The following COTL1 variants were observed in gnomAD, a reference collection of about 807,000 sequenced individuals.
The protein encoded by COTL1 is coactosin-like protein.
A neutral mutation model predicts 16.5 loss-of-function variants in COTL1; 15 were observed. That is an observed-to-expected ratio of 0.91 (90% CI 0.61 to 1.40). COTL1 has a LOEUF of 1.40. Ranked by LOEUF, COTL1 falls within the 40% of genes most tolerant of loss-of-function variation. COTL1 has a pLI of 0.00. For missense variants in COTL1, 220 were observed against 201.5 expected (o/e 1.09, Z -0.56); for synonymous variants, 112 against 85.3 (o/e 1.31, Z -1.73).
intron 3 of COTL1, among the ~76,000 whole-genome samples, chr16:84,589,176 A>G (rs946537984): frequency 5.3e-5 from 8 of 151,280 alleles, no homozygotes; most frequent in African/African-American, 1.7e-4. Flanking sequence ...GGGTCTCACT[A>G]TGTTGCCCAG....
At chr16:84,569,918 A>T (rs1816246364) in intron 3 of COTL1, among the ~76,000 whole-genome samples, 1 of 152,256 alleles carries the variant, frequency 6.6e-6, no homozygotes, top group African/African-American at 2.4e-5. Flanking sequence ...TATATATGGC[A>T]ATCTACAGAA....
At chr16:84,606,826 T>C (rs1315798036) in intron 2 of COTL1, among the ~76,000 whole-genome samples, 1 of 152,190 alleles carries the variant, frequency 6.6e-6, no homozygotes, top group Non-Finnish European at 1.5e-5. Flanking sequence ...AGGGATTCTG[T>C]CCCAGGTGCC....
At chr16:84,584,592 C>T (rs1170132610) in intron 3 of COTL1, among the ~76,000 whole-genome samples, 2 of 152,168 alleles carry the variant, frequency 1.3e-5, no homozygotes, top group African/African-American at 4.8e-5. Context: ...TGGCAATATC[C>T]GTGAACAACA....
chr16:84,583,725 G>C (rs1321855432), intron 3 of COTL1, among the ~76,000 whole-genome samples: 1 of 152,166 alleles, frequency 6.6e-6, no homozygotes, highest in Non-Finnish European at 1.5e-5. Flanking sequence ...CTCCCAAAAT[G>C]TTGGGATTAC....
intron 3 of COTL1, among the ~76,000 whole-genome samples, chr16:84,572,386 G>A (rs1567530558): frequency 6.6e-6 from 1 of 152,194 alleles, no homozygotes; most frequent in Non-Finnish European, 1.5e-5. Flanking sequence ...AGGGGCAGGT[G>A]GCAAGACTCA....
intron 3 of COTL1, among the ~76,000 whole-genome samples, chr16:84,588,326 CACAT>C (rs1378151137): frequency 6.6e-6 from 1 of 152,090 alleles, no homozygotes; most frequent in African/African-American, 2.4e-5. Context: ...TCTTAACACA[CACAT>C]ACATATTTCA....
chr16:84,611,242 C>T (rs1905317214), intron 2 of COTL1, among the ~76,000 whole-genome samples: 1 of 152,232 alleles, frequency 6.6e-6, no homozygotes, highest in Non-Finnish European at 1.5e-5. Context: ...GAAAACTGGA[C>T]TCATTCCCAG....
At position 84,590,216 on chromosome 16, in the gene COTL1, G is replaced by T. The variant is rs200648384; in HGVS notation, c.207C>A (p.Ala69=). ...FAFVRFTTGD[A]MSKRSKFALI... ...GGGCAAACTTGGACCTCTTGCTCAT[G>T]GCATCCCCGGTGGTGAAGCGCACGA... The change falls in exon 3 of 4, where the codon GCC becomes GCA. Residue 69 remains alanine (A), a synonymous_variant. Transcript: ENST00000262428. The surrounding 1 kb of genome is among the most constrained non-coding windows in gnomAD (Gnocchi z 5.5). 4 of 1,614,160 alleles carry T rather than the reference G, an allele frequency of 2.5e-6. No individual in the cohort carries two copies. The African/African-American group carries it at 4.0e-5, about 16-fold the overall frequency.
At chr16:84,593,524 T>TC (rs1481058600) in intron 2 of COTL1, among the ~76,000 whole-genome samples, 1 of 146,452 alleles carries the variant, frequency 6.8e-6, no homozygotes, top group Non-Finnish European at 1.5e-5. Context: ...ACTTTTTTTT[T>TC]TTTTGAGAAG....
At chr16:84,576,634 A>G (rs1904459336) in intron 3 of COTL1, 1 of 152,194 alleles carries the variant, frequency 6.6e-6, no homozygotes, top group Admixed American at 6.5e-5. Context: ...GTGAAAGAAG[A>G]AGGCTGGACA....
chr16:84,613,096 G>A (rs1235365012), intron 2 of COTL1, among the ~76,000 whole-genome samples: 1 of 151,760 alleles, frequency 6.6e-6, no homozygotes, highest in Non-Finnish European at 1.5e-5. Context: ...TGCCTCCTGG[G>A]TTCAAGTGAT....
chr16:84,598,482 C>T (rs1057009489), intron 2 of COTL1, among the ~76,000 whole-genome samples: 3 of 152,100 alleles, frequency 2.0e-5, no homozygotes, highest in South Asian at 2.1e-4. Flanking sequence ...CTCAGGATAC[C>T]GCCTGGCGCA....
intron 3 of COTL1, among the ~76,000 whole-genome samples, chr16:84,587,691 G>A (rs1415306845): frequency 6.6e-6 from 1 of 152,148 alleles, no homozygotes; most frequent in East Asian, 1.9e-4. Context: ...CAGGAGGCGA[G>A]CCCGTCCAGA....
chr16:84,588,683 T>C (rs931100292), intron 3 of COTL1, among the ~76,000 whole-genome samples: 32 of 151,792 alleles, frequency 2.1e-4, no homozygotes, highest in African/African-American at 7.3e-4. Flanking sequence ...GCTAATTTTT[T>C]ATTCTTTTGT....
Position 84,600,593 on chromosome 16 carries a change from G to A in COTL1, c.161-10331C>T, listed in dbSNP as rs369434052. ...CTCCCAAAGAGCCAGGATTACAGGC[G>A]CGAGCCACTGCGCCCGGCCAAGGCT... On this transcript the variant is annotated intron_variant, in intron 2 of 3. Coordinates refer to ENST00000262428, the MANE Select transcript of COTL1 (RefSeq NM_021149.5). 4.6e-5 allele frequency among the ~76,000 whole-genome samples: 7 copies of A among 152,296 alleles called. No homozygotes were observed. In the South Asian group the frequency reaches 8.3e-4, roughly 18 times the overall value.
Position 84,590,408 on chromosome 16 carries a change from G to T in COTL1, c.161-146C>A. On this transcript the variant is annotated intron_variant, in intron 2 of 3. Transcript: ENST00000262428. This position sits in a 1 kb window ranked among gnomAD's most constrained non-coding sequence, Gnocchi z 5.5. ...TTCCCTGGGAGCACCATGTGCAGAG[G>T]ACAGGAGGGAAGCACTCATCCGCTG... 1.2e-6 allele frequency: 1 copy of T among 843,582 alleles called. No individual in the cohort carries two copies. The highest frequency in any genetic ancestry group is 1.8e-6 in the Non-Finnish European group (1 of 557,838). The allele number at this position is 843,582 out of a possible 1,614,324, so 52.3% of individuals were successfully genotyped here.
At chr16:84,579,529 A>T (rs1904531237) in intron 3 of COTL1, among the ~76,000 whole-genome samples, 1 of 152,236 alleles carries the variant, frequency 6.6e-6, no homozygotes, top group Non-Finnish European at 1.5e-5. Flanking sequence ...AGGAAATGTC[A>T]AGAGAAAGGA....
In COTL1 at chr16:84,604,051, C is replaced by T. The variant is rs1000967641; in HGVS notation, c.160+13450G>A. Among the ~76,000 whole-genome samples, 29 of 132,506 alleles carry T rather than the reference C, an allele frequency of 2.2e-4. 1 individual carries two copies. The highest frequency in any genetic ancestry group is 1.7e-3 in the Admixed American group (23 of 13,242). The allele number at this position is 132,506 out of a possible 152,430, so 86.9% of individuals were successfully genotyped here. On this transcript the variant is annotated intron_variant, in intron 2 of 3. Coordinates refer to ENST00000262428, the MANE Select transcript of COTL1 (RefSeq NM_021149.5). ...ACCCCCGCAACTCCCCTCTCCCTCCCGCTGCCCCACCACGGCCCAACCCCA... is the reference window on the plus strand; with the variant it reads ...ACCCCCGCAACTCCCCTCTCCCTCCTGCTGCCCCACCACGGCCCAACCCCA...
chr16:84,598,064 G>A (rs1284187509), intron 2 of COTL1, among the ~76,000 whole-genome samples: 1 of 152,178 alleles, frequency 6.6e-6, no homozygotes, highest in Admixed American at 6.5e-5. Context: ...GCAAGGTCAG[G>A]AGCCCCATCC....
Sources: gnomAD v4.1 joint callset for allele counts (sites outside exome capture counted in the v4.1 genomes callset) on GRCh38, gnomAD v4.1.1 for gene constraint, Gnocchi (gnomAD v3.1) non-coding constraint, MANE v1.5 for transcripts, NCBI Gene and HGNC (gene_info 2026-07-23, HGNC 2026-07-21) for gene names.